Variants in TMPRSS11A observed in about 807,000 individuals in gnomAD.
The protein encoded by TMPRSS11A is transmembrane serine protease 11A.
Under a neutral mutation model 58.9 loss-of-function variants are expected in TMPRSS11A, and 53 were observed. The ratio of observed to expected loss-of-function variants is 0.90; its 90% CI spans 0.72 to 1.13. TMPRSS11A has a LOEUF of 1.13. Ranked by LOEUF, TMPRSS11A falls within the 50% of genes most tolerant of loss-of-function variation. The pLI, the probability that TMPRSS11A is intolerant of heterozygous loss-of-function variation, is 0.00. For missense variants in TMPRSS11A, 493 were observed against 499.3 expected (o/e 0.99, Z 0.12); for synonymous variants, 167 against 169.8 (o/e 0.98, Z 0.13).
chr4:67,952,844 T>C (rs1475475816), intron 1 of TMPRSS11A, among the ~76,000 whole-genome samples: 2 of 152,222 alleles, frequency 1.3e-5, no homozygotes, highest in Non-Finnish European at 2.9e-5. Flanking sequence ...TTGGGGCATT[T>C]CTCAAATAGT....
chr4:67,927,590 G>T (rs2109745675), intron 5 of TMPRSS11A, among the ~76,000 whole-genome samples: 1 of 152,332 alleles, frequency 6.6e-6, no homozygotes, highest in Middle Eastern at 3.4e-3. Context: ...CGGAAGGTGG[G>T]CACAGTCTGC....
chr4:67,938,875 G>A (rs915270338), intron 3 of TMPRSS11A, among the ~76,000 whole-genome samples: 1 of 147,358 alleles, frequency 6.8e-6, no homozygotes, highest in African/African-American at 2.5e-5. Context: ...TTTATTAGGA[G>A]TCCTTTGGCT....
At chr4:67,936,603 G>C (rs1347255918) in intron 3 of TMPRSS11A, among the ~76,000 whole-genome samples, 1 of 152,104 alleles carries the variant, frequency 6.6e-6, no homozygotes, top group African/African-American at 2.4e-5. Context: ...CATCAAATGG[G>C]ATGTGATATT....
At chr4:67,928,640 A>G (rs1365039849) in intron 5 of TMPRSS11A, among the ~76,000 whole-genome samples, 1 of 152,232 alleles carries the variant, frequency 6.6e-6, no homozygotes, top group East Asian at 1.9e-4. Context: ...TGGATTAAGC[A>G]CTTGTCAGGT....
chr4:67,924,976 T>C lies in TMPRSS11A; in HGVS notation c.482-810A>G, dbSNP rs1720428209. On this transcript the variant is annotated intron_variant, in intron 5 of 9. Transcript: ENST00000508048. ...TTACTTCGAATTTCACATAAATCTT[T>C]TTTTTTTTTTTTTTGGTTAAAGGGT... Among the ~76,000 whole-genome samples, 3 of 131,270 alleles carry C rather than the reference T, an allele frequency of 2.3e-5. No individual in the cohort carries two copies. In the Admixed American group the frequency reaches 2.3e-4, roughly 10 times the overall value. The allele number at this position is 131,270 out of a possible 152,430, so 86.1% of individuals were successfully genotyped here.
chr4:67,951,438 G>A (rs2109767265), intron 1 of TMPRSS11A, among the ~76,000 whole-genome samples: 1 of 152,258 alleles, frequency 6.6e-6, no homozygotes, highest in African/African-American at 2.4e-5. Flanking sequence ...CTGGAGTCAA[G>A]ACAAAGAGAT....
intron 3 of TMPRSS11A, among the ~76,000 whole-genome samples, chr4:67,939,548 G>T (rs1429277620): frequency 6.6e-6 from 1 of 151,992 alleles, no homozygotes; most frequent in Non-Finnish European, 1.5e-5. Flanking sequence ...GATGGCTGTG[G>T]GTTTGTCACA....
At chr4:67,912,295 C>G (rs1234245821) in intron 9 of TMPRSS11A, among the ~76,000 whole-genome samples, 1 of 152,036 alleles carries the variant, frequency 6.6e-6, no homozygotes, top group Non-Finnish European at 1.5e-5. Flanking sequence ...CACACACACA[C>G]ACACACACAC....
intron 1 of TMPRSS11A, among the ~76,000 whole-genome samples, chr4:67,961,930 T>C (rs986266793): frequency 6.6e-6 from 1 of 152,114 alleles, no homozygotes; most frequent in African/African-American, 2.4e-5. Flanking sequence ...TTAATGTTCA[T>C]AGAAAAGGAC....
intron 1 of TMPRSS11A, among the ~76,000 whole-genome samples, chr4:67,959,301 A>G (rs577991147): frequency 1.6e-3 from 200 of 121,706 alleles, no homozygotes; most frequent in Non-Finnish European, 2.8e-3. Context: ...CCTGGTGAAG[A>G]ATTTTTGGTG....
rs1321477238 is a variant in TMPRSS11A at position 67,929,962 on chromosome 4, CT to C, written c.398del (p.Glu133GlyfsTer8). 1.9e-6 allele frequency: 3 copies of C among 1,613,798 alleles called. No homozygotes were observed. The highest frequency in any genetic ancestry group is 2.5e-6 in the Non-Finnish European group (3 of 1,179,844). On this transcript the variant is annotated frameshift_variant, in exon 5 of 10. Coordinates refer to ENST00000508048, the MANE Select transcript of TMPRSS11A (RefSeq NM_001114387.2). LOFTEE classifies it high-confidence loss of function. ...FPSTEQRAVR[E>X]KKIQSILNQK... is the part of the protein sequence containing the mutation. ...GATTTAAGATGCTTTGGATTTTCTT[CT>C]CTCTTACTGCCCTTTGTTCAGTAGA...
intron 1 of TMPRSS11A, among the ~76,000 whole-genome samples, chr4:67,963,110 T>C (rs1310905603): frequency 1.3e-5 from 2 of 152,204 alleles, no homozygotes; most frequent in Non-Finnish European, 2.9e-5. Flanking sequence ...TAAGACACAA[T>C]GTAATATAGT....
Position 67,914,682 on chromosome 4 carries a change from T to C in TMPRSS11A, c.1001A>G (p.Asp334Gly). The C allele has an allele frequency of 6.2e-7, 1 of 1,613,004 alleles. No individual in the cohort carries two copies. Among genetic ancestry groups the C allele is most frequent in the Non-Finnish European group, 8.5e-7 (1 of 1,179,376 alleles). The stretch of plus-strand genomic sequence containing the variant: ...CACCTGTGGTTGCTTGCAGACATCA[T>C]CACTTATGATTTTCACTCTGGCTTC... Reference protein sequence around the residue: ...LREARVKIISDDVCKQPQVYG... With the variant: ...LREARVKIISGDVCKQPQVYG... Residue 334 changes from aspartate to glycine, a missense_variant, in exon 9 of 10, where the codon GAT becomes GGT. Physicochemically the swap from Asp to Gly is moderately conservative, Grantham distance 94 (BLOSUM62 -1). Transcript: ENST00000508048.
intron 5 of TMPRSS11A, among the ~76,000 whole-genome samples, chr4:67,924,920 G>C (rs1015825062): frequency 1.3e-5 from 2 of 151,430 alleles, no homozygotes; most frequent in Non-Finnish European, 1.5e-5. Flanking sequence ...CTCAGCCTCA[G>C]CCAGAACAGA....
rs114060731 is a variant in TMPRSS11A, at chr4:67,938,744, C to T, written c.252+5775G>A. 5.0e-3 allele frequency among the ~76,000 whole-genome samples: 755 copies of T among 152,166 alleles called. 3 individuals carry two copies. The highest frequency in any genetic ancestry group is 6.7e-3 in the Non-Finnish European group (458 of 67,982). On this transcript the variant is annotated intron_variant, in intron 3 of 9. Transcript: ENST00000508048. ...AGATGTGTGGCTTTATTTCTGGGTT[C>T]TCTATTCTGTTCTATTGGTTTATAT...
chr4:67,922,741 G>A lies in TMPRSS11A; in HGVS notation c.692+14C>T, dbSNP rs763563864. ...TTAGCAGAAGTGGGTTCTAACTTAA[G>A]GTCAATAACTTACTTCTGGAAGCAG... On this transcript the variant is annotated intron_variant, in intron 7 of 9. Transcript: ENST00000508048. 3.1e-6 allele frequency: 5 copies of A among 1,610,196 alleles called. No homozygotes were observed. The Admixed American group carries it at 8.3e-5, about 27-fold the overall frequency.
At chr4:67,928,887 G>A (rs933410640) in intron 5 of TMPRSS11A, among the ~76,000 whole-genome samples, 1 of 152,240 alleles carries the variant, frequency 6.6e-6, no homozygotes, top group Non-Finnish European at 1.5e-5. Flanking sequence ...ATTGAAATTT[G>A]TAGGAGAAAT....
intron 2 of TMPRSS11A, among the ~76,000 whole-genome samples, chr4:67,945,016 T>G (rs1720968636): frequency 6.6e-6 from 1 of 152,208 alleles, no homozygotes; most frequent in Non-Finnish European, 1.5e-5. Flanking sequence ...CTTGAACATT[T>G]CATTGCTACA....
At chr4:67,929,385 C>T (rs979509382) in intron 5 of TMPRSS11A, among the ~76,000 whole-genome samples, 4 of 152,120 alleles carry the variant, frequency 2.6e-5, no homozygotes, top group Non-Finnish European at 5.9e-5. Flanking sequence ...ATTTTTAAAG[C>T]ATTAATGGTA....
Sources: gnomAD v4.1 joint callset for allele counts (sites outside exome capture counted in the v4.1 genomes callset) on GRCh38, gnomAD v4.1.1 for gene constraint, MANE v1.5 for transcripts, NCBI Gene and HGNC (gene_info 2026-07-23, HGNC 2026-07-21) for gene names.